Variants in ZNF516 observed in about 807,000 individuals in gnomAD.
The protein encoded by ZNF516 is zinc finger protein 516.
In ZNF516, 19 loss-of-function variants were observed where a neutral mutation model predicts 79.7. That is an observed-to-expected ratio of 0.24 (90% CI 0.17 to 0.35). ZNF516 has a LOEUF of 0.35. Ranked by LOEUF, ZNF516 falls within the 10% of genes least tolerant of loss-of-function variation. ZNF516 has a pLI of 1.00. For missense variants in ZNF516, 1,678 were observed against 1,679.5 expected, an observed-to-expected ratio of 1.00 and a Z score of 0.02; for synonymous variants, 877 against 739.5, an observed-to-expected ratio of 1.19 and a Z score of -3.02.
intron 3 of ZNF516, among the ~76,000 whole-genome samples, chr18:76,415,440 G>A (rs1480183673): frequency 6.6e-6 from 1 of 152,122 alleles, no homozygotes; most frequent in African/African-American, 2.4e-5. Context: ...ACCACTAAGT[G>A]CACGCCTCTG....
Position 76,442,326 on chromosome 18 carries a change from C to T in ZNF516, c.729G>A (p.Leu243=), listed in dbSNP as rs531965850. 1.4e-5 allele frequency: 23 copies of T among 1,611,412 alleles called. No homozygotes were observed. In the African/African-American group the frequency reaches 2.7e-4, roughly 19 times the overall value. Residue 243 remains leucine, a synonymous_variant, in exon 3 of 7, where the codon CTG becomes CTA. Coordinates refer to ENST00000443185, the MANE Select transcript of ZNF516 (RefSeq NM_014643.4). ...CCTCGCACGGGAACTCCCCGGGGCT[C>T]AGCTCGGGCTTGCCGTTCTCCACGC... is the stretch of plus-strand genomic sequence containing the variant. ...EACVENGKPE[L]SPGEFPCEVC...
At chr18:76,437,067 A>AACACACACACACACACACACACACAC (rs370573337) in intron 3 of ZNF516, among the ~76,000 whole-genome samples, 35 of 135,982 alleles carry the variant, frequency 2.6e-4, no homozygotes, top group East Asian at 6.6e-4. Context: ...ACCTGTCTAA[A>AACACACACACACACACACACACACAC]ACACACACAC....
At chr18:76,428,800 C>A (rs2075627334) in intron 3 of ZNF516, among the ~76,000 whole-genome samples, 1 of 152,258 alleles carries the variant, frequency 6.6e-6, no homozygotes. Flanking sequence ...CGCTCCTTTC[C>A]AAGCACTTCC....
At chr18:76,491,537 T>C (rs1397148611) in intron 1 of ZNF516, 2 of 118,900 alleles carry the variant, frequency 1.7e-5, no homozygotes, top group South Asian at 2.8e-4. Context: ...CCGCTCCACA[T>C]GACGGGGGCG....
At chr18:76,377,715 A>ATTT (rs1213742643) in intron 4 of ZNF516, among the ~76,000 whole-genome samples, 2 of 133,628 alleles carry the variant, frequency 1.5e-5, no homozygotes, top group African/African-American at 2.8e-5. Context: ...TTACAACGTT[A>ATTT]TTTTTTTTTT....
chr18:76,378,898 G>C lies in ZNF516; in HGVS notation c.3216C>G (p.Leu1072=). Residue 1072 remains leucine, a synonymous_variant, in exon 4 of 7, where the codon CTC becomes CTG. Coordinates refer to ENST00000443185, the MANE Select transcript of ZNF516 (RefSeq NM_014643.4). ...KTYIPKDFAT[L]YQGWGVSGPG... The stretch of plus-strand genomic sequence containing the variant: ...GGCCGCTGACACCCCATCCCTGGTA[G>C]AGGGTCGCAAAGTCCTTTGGAATGT... 3 of 1,613,762 alleles carry C rather than the reference G, an allele frequency of 1.9e-6. No individual in the cohort carries two copies. Among genetic ancestry groups the C allele is most frequent in the Non-Finnish European group, 2.5e-6 (3 of 1,179,782 alleles).
chr18:76,479,241 A>G (rs1179321607), intron 1 of ZNF516, among the ~76,000 whole-genome samples: 6 of 152,220 alleles, frequency 3.9e-5, no homozygotes, highest in Non-Finnish European at 7.3e-5. Flanking sequence ...GGCAGGTAAA[A>G]TGGTCAACAG....
intron 1 of ZNF516, among the ~76,000 whole-genome samples, chr18:76,481,487 A>T (rs1253953134): frequency 6.6e-6 from 1 of 152,220 alleles, no homozygotes; most frequent in Non-Finnish European, 1.5e-5. Flanking sequence ...AATGAACTCC[A>T]CACAGGGTAA....
At chr18:76,483,902 A>G (rs1341149595) in intron 1 of ZNF516, among the ~76,000 whole-genome samples, 1 of 152,216 alleles carries the variant, frequency 6.6e-6, no homozygotes, top group Non-Finnish European at 1.5e-5. Flanking sequence ...CAGCAGCCTC[A>G]GACAGCAACA....
intron 2 of ZNF516, among the ~76,000 whole-genome samples, chr18:76,458,045 C>A (rs9961326): frequency 1.3e-5 from 2 of 152,108 alleles, no homozygotes; most frequent in Non-Finnish European, 2.9e-5. Flanking sequence ...ACACATCAGG[C>A]GCACCATGGT....
rs1176006606 is a variant in ZNF516 at position 76,459,867 on chromosome 18, CTGA to C, written c.-158+3158_-158+3160del. ...TCCGGCAGGCACAAGAAGGAACATA[CTGA>C]TGATAAGGAAACGCCGGGTGGGGTC... On this transcript the variant is annotated intron_variant, in intron 2 of 6. Transcript: ENST00000443185. This position sits in a 1 kb window ranked among gnomAD's most constrained non-coding sequence, Gnocchi z 5.0. Among the ~76,000 whole-genome samples, 1 of 152,194 alleles carries C rather than the reference CTGA, an allele frequency of 6.6e-6. No individual in the cohort carries two copies. Among genetic ancestry groups the C allele is most frequent in the Non-Finnish European group, 1.5e-5 (1 of 68,028 alleles).
rs2074848992 is a variant in ZNF516, at chr18:76,379,391, G to A, written c.2723C>T (p.Pro908Leu). The change falls in exon 4 of 7, where the codon CCC becomes CTC. Residue 908 changes from proline (P) to leucine (L), a missense_variant. Physicochemically the swap from Pro to Leu is moderately conservative, Grantham distance 98 (BLOSUM62 -3). Around this residue, in one of 5 missense-constraint regions of ZNF516, gnomAD observed 1,294 missense variants for 1,248.3 expected, o/e 1.04. Transcript: ENST00000443185. ...GAATQGPLAK[P>L]RQEASSKPVP... The stretch of plus-strand genomic sequence containing the variant: ...CGGTTTGGAGCTAGCCTCCTGCCTG[G>A]GCTTGGCCAGGGGCCCCTGTGTGGC... 1 of 1,602,528 alleles carries A rather than the reference G, an allele frequency of 6.2e-7. No individual in the cohort carries two copies.
rs768578611 is a variant in ZNF516, at chr18:76,442,026, C to T, written c.1029G>A (p.Leu343=). The change falls in exon 3 of 7, where the codon CTG becomes CTA. Residue 343 remains leucine (L), a synonymous_variant. Coordinates refer to ENST00000443185, the MANE Select transcript of ZNF516 (RefSeq NM_014643.4). The part of the protein sequence containing the change: ...LYEVCAKCGN[L]FTNLDSLNAH... ...CGTTCAAGCTGTCCAGGTTTGTAAA[C>T]AGGTTCCCGCACTTGGCGCAGACCT... 9.9e-6 allele frequency: 16 copies of T among 1,613,944 alleles called. No homozygotes were observed. In the Admixed American group the frequency reaches 2.5e-4, roughly 25 times the overall value.
chr18:76,383,180 G>C (rs1249143190), intron 3 of ZNF516, among the ~76,000 whole-genome samples: 1 of 152,152 alleles, frequency 6.6e-6, no homozygotes, highest in African/African-American at 2.4e-5. Flanking sequence ...AGAGAAGCAT[G>C]ACCACGAGTG....
chr18:76,408,342 G>A (rs373312436), intron 3 of ZNF516, among the ~76,000 whole-genome samples: 3 of 152,248 alleles, frequency 2.0e-5, no homozygotes, highest in African/African-American at 7.2e-5. Flanking sequence ...GGTGTGGACA[G>A]CAAGCTCCGA....
chr18:76,482,359 G>C (rs1043490483), intron 1 of ZNF516, among the ~76,000 whole-genome samples: 4 of 152,164 alleles, frequency 2.6e-5, no homozygotes, highest in Admixed American at 2.6e-4. Flanking sequence ...CCCCAACTTA[G>C]GAAAGTTTGA....
At chr18:76,486,560 A>T (rs1169682665) in intron 1 of ZNF516, among the ~76,000 whole-genome samples, 2 of 152,092 alleles carry the variant, frequency 1.3e-5, no homozygotes, top group East Asian at 3.9e-4. Flanking sequence ...CTAACACCAC[A>T]TCTTCCTCTA....
In ZNF516 at chr18:76,403,474, C is replaced by T. The variant is rs116626859; in HGVS notation, c.1811-23171G>A. 9.8e-5 allele frequency among the ~76,000 whole-genome samples: 15 copies of T among 152,312 alleles called. No homozygotes were observed. The East Asian group carries it at 1.7e-3, about 18-fold the overall frequency. On this transcript the variant is annotated intron_variant, in intron 3 of 6. Transcript: ENST00000443185. Reference sequence around the variant, plus strand: ...GCACAGGCATGTGTGCAGTCACACACGCATTCGCACAACTCACAAGAGAAT... The same window carrying T: ...GCACAGGCATGTGTGCAGTCACACATGCATTCGCACAACTCACAAGAGAAT...
chr18:76,370,363 ACAGACGGCCC>A (rs996177132), intron 6 of ZNF516, among the ~76,000 whole-genome samples, 155 bp downstream of exon 6: 4 of 152,222 alleles, frequency 2.6e-5, no homozygotes, highest in African/African-American at 9.7e-5. Flanking sequence ...GGTACTGCCC[ACAGACGGCCC>A]CGAAGGGTCA....
Sources: allele counts gnomAD v4.1 joint callset (sites outside exome capture counted in the v4.1 genomes callset), GRCh38; gene constraint gnomAD v4.1.1; regional missense constraint gnomAD v4.1.1; non-coding constraint Gnocchi (gnomAD v3.1); transcripts MANE v1.5; gene names NCBI Gene and HGNC (gene_info 2026-07-23, HGNC 2026-07-21).